Variants in GALNT13 observed in about 807,000 individuals in gnomAD.
GALNT13 encodes the protein UDP-GalNAc:polypeptide N-acetylgalactosaminyltransferase 13.
Under a neutral mutation model 64.2 loss-of-function variants are expected in GALNT13, and 28 were observed. The ratio of observed to expected loss-of-function variants is 0.44; its 90% CI spans 0.32 to 0.60. The LOEUF is 0.60. Among genes scored for constraint, GALNT13 ranks in the 20% least tolerant of loss-of-function variants. The pLI is 0.05. For synonymous variants in GALNT13, 214 were observed against 224.6 expected, an observed-to-expected ratio of 0.95 and a Z score of 0.42; for missense variants, 577 against 669.8, an observed-to-expected ratio of 0.86 and a Z score of 1.53.
chr2:153,512,510 CTG>C, the GALNT13 span, among the ~76,000 whole-genome samples: 1 of 152,110 alleles, frequency 6.6e-6, no homozygotes, highest in African/African-American at 2.4e-5. Context: ...TGGAGCCTAA[CTG>C]TTTATATTCC....
intron 3 of GALNT13, among the ~76,000 whole-genome samples, chr2:153,978,676 T>C (rs1274013358): frequency 6.6e-6 from 1 of 152,220 alleles, no homozygotes; most frequent in African/African-American, 2.4e-5. Context: ...TCCCCAGTCA[T>C]GTGGAACTTG....
chr2:153,494,037 T>C, the GALNT13 span, among the ~76,000 whole-genome samples: 24 of 151,932 alleles, frequency 1.6e-4, no homozygotes, highest in South Asian at 3.9e-3. Context: ...TACATTTTTG[T>C]ATAACAGCAA....
intron 3 of GALNT13, among the ~76,000 whole-genome samples, chr2:154,103,745 G>C (rs1256434559): frequency 6.6e-6 from 1 of 152,154 alleles, no homozygotes; most frequent in Non-Finnish European, 1.5e-5. Flanking sequence ...CCAGTGTTCT[G>C]TTTGAGTTCC....
chr2:153,811,432 C>T, the GALNT13 span, among the ~76,000 whole-genome samples: 4 of 152,196 alleles, frequency 2.6e-5, no homozygotes, highest in East Asian at 7.7e-4. Context: ...AAAGTGTAAT[C>T]ATAGCAATTA....
chr2:153,150,672 G>A, the GALNT13 span, among the ~76,000 whole-genome samples: 1 of 152,062 alleles, frequency 6.6e-6, no homozygotes, highest in African/African-American at 2.4e-5. Context: ...AAGGGATCCA[G>A]TTTCAGCTTT....
the GALNT13 span, among the ~76,000 whole-genome samples, chr2:153,504,145 T>C: frequency 2.6e-5 from 4 of 152,182 alleles, no homozygotes; most frequent in Admixed American, 6.5e-5. Context: ...TTTTTTGCTA[T>C]TGTAAAAGGG....
the GALNT13 span, among the ~76,000 whole-genome samples, chr2:153,796,052 G>A: frequency 6.6e-6 from 1 of 152,200 alleles, no homozygotes; most frequent in East Asian, 1.9e-4. Flanking sequence ...CTTAGTCCAG[G>A]TCAGAGAGTT....
intron 3 of GALNT13, among the ~76,000 whole-genome samples, chr2:154,052,657 T>G (rs1401775557): frequency 6.6e-6 from 1 of 152,052 alleles, no homozygotes; most frequent in East Asian, 1.9e-4. Flanking sequence ...CAATACATGT[T>G]GGTGTGCTGT....
the GALNT13 span, among the ~76,000 whole-genome samples, chr2:153,651,041 T>G: frequency 6.6e-6 from 1 of 152,136 alleles, no homozygotes; most frequent in African/African-American, 2.4e-5. Context: ...TAAAGTCTGT[T>G]ATTCAAAATA....
intron 4 of GALNT13, among the ~76,000 whole-genome samples, chr2:154,189,864 G>GA (rs1315982701): frequency 1.3e-5 from 2 of 151,926 alleles, no homozygotes; most frequent in African/African-American, 4.8e-5. Context: ...CACCTCATAG[G>GA]AAAAAAATGG....
At chr2:153,895,589 G>A (rs1051191454) in intron 1 of GALNT13, among the ~76,000 whole-genome samples, 1 of 151,988 alleles carries the variant, frequency 6.6e-6, no homozygotes, top group Non-Finnish European at 1.5e-5. Context: ...GTCAAGTTGG[G>A]GCATCAGCAG....
intron 8 of GALNT13, among the ~76,000 whole-genome samples, chr2:154,286,118 T>C (rs371932186): frequency 5.3e-4 from 81 of 152,340 alleles, no homozygotes; most frequent in African/African-American, 1.6e-3. Flanking sequence ...TATAAGATCG[T>C]GTCATCAGCA....
rs1553499132 is a variant in GALNT13 at position 154,225,160 on chromosome 2, T to TAGATAGATA, written c.312-16870_312-16869insAGATAGATA. Reference sequence around the variant, plus strand: ...GATAGATAGATGACAGATAGATAGATGATAGATAGATAGATAGATAGATAG... The same window carrying TAGATAGATA: ...GATAGATAGATGACAGATAGATAGATAGATAGATAGATAGATAGATAGATAGATAGATAG... On this transcript the variant is annotated intron_variant, in intron 4 of 12. Transcript: ENST00000392825. Among the ~76,000 whole-genome samples, 595 of 137,994 alleles carry TAGATAGATA rather than the reference T, an allele frequency of 4.3e-3. 2 individuals are homozygous for TAGATAGATA. The highest frequency in any genetic ancestry group is 4.9e-3 in the African/African-American group (179 of 36,378). The allele number at this position is 137,994 out of a possible 152,430, so 90.5% of individuals were successfully genotyped here. A position where few individuals can be genotyped will look rare whatever the true frequency, so the allele number is the denominator to read the frequency against.
chr2:154,013,309 GGGGGCCGGGAAGC>G (rs1696770193), intron 3 of GALNT13, among the ~76,000 whole-genome samples: 1 of 61,364 alleles, frequency 1.6e-5, no homozygotes, highest in African/African-American at 6.7e-5. Flanking sequence ...GAAGATTCCA[GGGGGCCGGGAAGC>G]CCCAGCTGTG....
At chr2:153,832,555 G>A in the GALNT13 span, among the ~76,000 whole-genome samples, 1 of 152,112 alleles carries the variant, frequency 6.6e-6, no homozygotes, top group Non-Finnish European at 1.5e-5. Context: ...TGGCAGAGTT[G>A]ATTGTTTGCT....
At chr2:154,368,381 A>G (rs571510035) in intron 9 of GALNT13, among the ~76,000 whole-genome samples, 63 of 152,208 alleles carry the variant, frequency 4.1e-4, no homozygotes, top group African/African-American at 1.3e-3. Flanking sequence ...CTGGGGTGTG[A>G]CTGACCAGAT....
the GALNT13 span, among the ~76,000 whole-genome samples, chr2:153,609,562 G>A: frequency 1.3e-5 from 2 of 152,078 alleles, no homozygotes; most frequent in South Asian, 4.1e-4. Context: ...CCAGTAAAAT[G>A]TCTCCTTTTG....
chr2:154,249,436 G>A (rs1689955259), intron 7 of GALNT13, among the ~76,000 whole-genome samples: 1 of 152,142 alleles, frequency 6.6e-6, no homozygotes, highest in South Asian at 2.1e-4. Flanking sequence ...TGGACCTCTA[G>A]AAAGGAGCCT....
the GALNT13 span, among the ~76,000 whole-genome samples, chr2:153,503,124 T>C: frequency 2.0e-5 from 3 of 152,210 alleles, no homozygotes; most frequent in African/African-American, 7.2e-5. Flanking sequence ...TGCATTTGCT[T>C]TGGGGTTCTT....
Sources: allele counts gnomAD v4.1 joint callset (sites outside exome capture counted in the v4.1 genomes callset), GRCh38; gene constraint gnomAD v4.1.1; transcripts MANE v1.5; gene names NCBI Gene and HGNC (gene_info 2026-07-23, HGNC 2026-07-21).